Variants in SRBD1 observed in about 807,000 individuals in gnomAD.
SRBD1 encodes the protein S1 RNA binding domain 1.
Under a neutral mutation model 115.3 loss-of-function variants are expected in SRBD1, and 88 were observed. The ratio of observed to expected loss-of-function variants is 0.76; its 90% CI spans 0.64 to 0.91. SRBD1 has a LOEUF of 0.91. Among genes scored for constraint, SRBD1 ranks in the 40% least tolerant of loss-of-function variants. The pLI, the probability that SRBD1 is intolerant of heterozygous loss-of-function variation, is 0.00. For missense variants in SRBD1, 1,385 were observed against 1,177.4 expected, an observed-to-expected ratio of 1.18 and a Z score of -2.58; for synonymous variants, 509 against 407.7, an observed-to-expected ratio of 1.25 and a Z score of -2.99.
intron 3 of SRBD1, among the ~76,000 whole-genome samples, chr2:45,601,420 T>A (rs1189420458): frequency 6.6e-6 from 1 of 152,236 alleles, no homozygotes; most frequent in East Asian, 1.9e-4. Context: ...ACACAACTGA[T>A]GTAAAAACAC....
intron 14 of SRBD1, among the ~76,000 whole-genome samples, chr2:45,535,988 C>G (rs1671752148): frequency 6.6e-6 from 1 of 152,034 alleles, no homozygotes; most frequent in East Asian, 1.9e-4. Context: ...GTTACTTACA[C>G]TTCTTTCAGC....
chr2:45,596,565 T>C (rs1673900434), intron 4 of SRBD1, among the ~76,000 whole-genome samples: 1 of 152,222 alleles, frequency 6.6e-6, no homozygotes, highest in African/African-American at 2.4e-5. Flanking sequence ...ATGGTTTTTC[T>C]GAACAAACAA....
intron 16 of SRBD1, among the ~76,000 whole-genome samples, chr2:45,475,979 A>G (rs184844335): frequency 1.3e-3 from 201 of 152,332 alleles, no homozygotes; most frequent in African/African-American, 4.3e-3. Context: ...GATTACAGGC[A>G]TGAGCCACTG....
chr2:45,414,787 T>TAC, intron 18 of SRBD1, among the ~76,000 whole-genome samples: 2 of 64,004 alleles, frequency 3.1e-5, no homozygotes, highest in African/African-American at 1.0e-4. Flanking sequence ...CACACACACA[T>TAC]AGTGTGTATA....
chr2:45,514,378 C>A (rs753652747), intron 14 of SRBD1, among the ~76,000 whole-genome samples: 4 of 149,496 alleles, frequency 2.7e-5, no homozygotes, highest in Non-Finnish European at 5.9e-5. Context: ...CTAAATAATG[C>A]AAATATAGTT....
intron 18 of SRBD1, among the ~76,000 whole-genome samples, chr2:45,416,493 T>G (rs1667835991): frequency 6.6e-6 from 1 of 152,180 alleles, no homozygotes; most frequent in Non-Finnish European, 1.5e-5. Flanking sequence ...TCCATACAAT[T>G]AAATTTTATG....
At chr2:45,598,538 C>G (rs906551281) in intron 4 of SRBD1, among the ~76,000 whole-genome samples, 1 of 151,164 alleles carries the variant, frequency 6.6e-6, no homozygotes, top group African/African-American at 2.4e-5. Context: ...GGCATGAACC[C>G]GGGAGGTGGA....
intron 16 of SRBD1, among the ~76,000 whole-genome samples, chr2:45,444,780 C>G (rs1465859432): frequency 6.6e-6 from 1 of 152,190 alleles, no homozygotes; most frequent in Non-Finnish European, 1.5e-5. Flanking sequence ...GCACTGGCAT[C>G]AGAAGCCACT....
At chr2:45,486,678 A>G in intron 15 of SRBD1, among the ~76,000 whole-genome samples, 1 of 152,054 alleles carries the variant, frequency 6.6e-6, no homozygotes, top group Non-Finnish European at 1.5e-5. Flanking sequence ...GCTTGCAGTG[A>G]GCCGAGTTCG....
chr2:45,585,522 G>C (rs1673490719), intron 5 of SRBD1, 86 bp downstream of exon 5: 2 of 1,412,066 alleles, frequency 1.4e-6, no homozygotes, highest in East Asian at 2.3e-5. Flanking sequence ...TGTTGAAATT[G>C]TCAAATATAC....
intron 15 of SRBD1, among the ~76,000 whole-genome samples, chr2:45,487,778 C>T (rs1335146553): frequency 1.3e-5 from 2 of 152,072 alleles, no homozygotes; most frequent in African/African-American, 2.4e-5. Context: ...CTCAGCCTCC[C>T]GAGTAGCTGG....
At chr2:45,434,809 T>C (rs1021094531) in intron 16 of SRBD1, among the ~76,000 whole-genome samples, 2 of 151,976 alleles carry the variant, frequency 1.3e-5, no homozygotes, top group African/African-American at 2.4e-5. Context: ...CTTGGGCACA[T>C]GTGCACAATG....
intron 14 of SRBD1, among the ~76,000 whole-genome samples, chr2:45,539,876 T>G (rs568063861): frequency 1.3e-5 from 2 of 152,044 alleles, no homozygotes; most frequent in African/African-American, 4.8e-5. Context: ...TTACAGCATA[T>G]AGCAGAAATA....
intron 15 of SRBD1, among the ~76,000 whole-genome samples, chr2:45,478,271 T>A (rs540531662): frequency 4.6e-5 from 7 of 152,254 alleles, no homozygotes; most frequent in Admixed American, 2.0e-4. Flanking sequence ...CTGTTCAAGG[T>A]CTGGAAACAA....
intron 14 of SRBD1, among the ~76,000 whole-genome samples, chr2:45,527,604 C>G (rs1291619716): frequency 2.0e-5 from 3 of 151,782 alleles, no homozygotes; most frequent in Non-Finnish European, 4.4e-5. Context: ...CTAATATTTA[C>G]TGATTGTATA....
chr2:45,598,914 C>T (rs1336115741), intron 4 of SRBD1, among the ~76,000 whole-genome samples: 1 of 152,154 alleles, frequency 6.6e-6, no homozygotes, highest in African/African-American at 2.4e-5. Context: ...CCAATACTGT[C>T]CCCAAAGCCA....
intron 14 of SRBD1, among the ~76,000 whole-genome samples, chr2:45,511,975 A>C (rs937949077): frequency 2.6e-5 from 4 of 152,170 alleles, no homozygotes; most frequent in Admixed American, 2.6e-4. Flanking sequence ...TGAAATACCC[A>C]CACAAGAGCC....
At chr2:45,534,914 A>G (rs143132013) in intron 14 of SRBD1, among the ~76,000 whole-genome samples, 45 of 152,072 alleles carry the variant, frequency 3.0e-4, no homozygotes, top group African/African-American at 9.9e-4. Context: ...ATTCTGATAA[A>G]GTCACCCACA....
chr2:45,472,054 CT>C (rs1669665342), intron 16 of SRBD1, among the ~76,000 whole-genome samples: 1 of 151,790 alleles, frequency 6.6e-6, no homozygotes, highest in African/African-American at 2.4e-5. Context: ...ATTTATAATA[CT>C]TGAAAGGTAT....
Sources: allele counts gnomAD v4.1 joint callset (sites outside exome capture counted in the v4.1 genomes callset), GRCh38; gene constraint gnomAD v4.1.1; transcripts MANE v1.5; gene names NCBI Gene and HGNC (gene_info 2026-07-23, HGNC 2026-07-21).